Variants in MAPK10 observed in about 807,000 individuals in gnomAD.
The protein encoded by MAPK10 is mitogen-activated protein kinase 10.
In MAPK10, 25 loss-of-function variants were observed where a neutral mutation model predicts 59.3. The ratio of observed to expected loss-of-function variants is 0.42; its 90% CI spans 0.31 to 0.59. The LOEUF is 0.59. Among genes scored for constraint, MAPK10 ranks in the 20% least tolerant of loss-of-function variants. MAPK10 has a pLI of 0.15. For synonymous variants in MAPK10, 190 were observed against 200.5 expected, an observed-to-expected ratio of 0.95 and a Z score of 0.44; for missense variants, 351 against 568.9, an observed-to-expected ratio of 0.62 and a Z score of 3.90.
At chr4:86,414,101 G>C (rs1745551276) in intron 1 of MAPK10, among the ~76,000 whole-genome samples, 1 of 152,090 alleles carries the variant, frequency 6.6e-6, no homozygotes, top group African/African-American at 2.4e-5. Flanking sequence ...TTTTGTTTTG[G>C]TTCAGGTCCC....
chr4:86,448,346 A>G (rs899826989), intron 1 of MAPK10, among the ~76,000 whole-genome samples: 4 of 151,788 alleles, frequency 2.6e-5, no homozygotes, highest in Admixed American at 1.3e-4. Flanking sequence ...TTGTTCCTTG[A>G]TGATGTTTCC....
At position 86,383,160 on chromosome 4, in the gene MAPK10, T is replaced by G. The variant is rs115523750; in HGVS notation, c.-121-28516A>C. Among the ~76,000 whole-genome samples, 389 of 152,314 alleles carry G rather than the reference T, an allele frequency of 2.6e-3. 4 individuals are homozygous for G. Among genetic ancestry groups the G allele is most frequent in the African/African-American group, 9.1e-3 (378 of 41,572 alleles). Reference sequence around the variant, plus strand: ...ATTAGGCTTCCTTCCCATGAAGTCTTGTTCTTTTATTTCCCTTCCCTTTGG... The same window carrying G: ...ATTAGGCTTCCTTCCCATGAAGTCTGGTTCTTTTATTTCCCTTCCCTTTGG... On this transcript the variant is annotated intron_variant, in intron 1 of 13. Coordinates refer to the MAPK10 transcript ENST00000361569.
At chr4:86,205,196 T>C (rs550992138) in intron 2 of MAPK10, among the ~76,000 whole-genome samples, 7 of 152,136 alleles carry the variant, frequency 4.6e-5, no homozygotes, top group Middle Eastern at 3.4e-3. Context: ...GCTAGTATCT[T>C]ATATTAACAA....
intron 2 of MAPK10, among the ~76,000 whole-genome samples, chr4:86,324,125 G>T (rs1454758908): frequency 6.6e-6 from 1 of 152,180 alleles, no homozygotes; most frequent in Non-Finnish European, 1.5e-5. Context: ...AGCTAGTTTA[G>T]GTCGGGCGTA....
At chr4:86,170,614 C>A (rs1471812373) in intron 3 of MAPK10, among the ~76,000 whole-genome samples, 1 of 151,608 alleles carries the variant, frequency 6.6e-6, no homozygotes, top group Non-Finnish European at 1.5e-5. Flanking sequence ...GACTCCCACA[C>A]AATAATAATG....
chr4:86,247,992 A>C (rs1455253872), intron 2 of MAPK10, among the ~76,000 whole-genome samples: 1 of 152,196 alleles, frequency 6.6e-6, no homozygotes, highest in Non-Finnish European at 1.5e-5. Context: ...AAGTAGCTGG[A>C]CACTTTTCTT....
At chr4:86,241,206 C>T (rs1336799909) in intron 2 of MAPK10, among the ~76,000 whole-genome samples, 1 of 152,232 alleles carries the variant, frequency 6.6e-6, no homozygotes, top group Admixed American at 6.5e-5. Flanking sequence ...GAGAGGTCCA[C>T]TGTTAGTCTG....
At chr4:86,121,695 A>G (rs6855234) in intron 4 of MAPK10, among the ~76,000 whole-genome samples, 4,340 of 152,230 alleles carry the variant, frequency 0.029, 212 homozygotes, top group African/African-American at 0.1. Flanking sequence ...TAACATATAT[A>G]TTACCTCTCA....
At position 86,077,102 on chromosome 4, in the gene MAPK10, G is replaced by A. The variant is rs377357810; in HGVS notation, c.803-9147C>T. Among the ~76,000 whole-genome samples the A allele has an allele frequency of 1.9e-3, 294 of 152,210 alleles. 2 individuals are homozygous for A. The South Asian group carries it at 0.032, about 17-fold the overall frequency. On this transcript the variant is annotated intron_variant, in intron 9 of 13. Transcript: ENST00000641462. ...ATTCTAAATTGACTACATAAAAGTA[G>A]AGTTATATTGTAAGAAGTTCAATTT...
chr4:86,212,660 T>C (rs1392725175), intron 2 of MAPK10, among the ~76,000 whole-genome samples: 1 of 152,080 alleles, frequency 6.6e-6, no homozygotes, highest in East Asian at 1.9e-4. Flanking sequence ...AATAAAGCAT[T>C]CAATATAAAA....
intron 4 of MAPK10, chr4:86,117,799 G>A (rs995503652): frequency 1.3e-5 from 2 of 152,230 alleles, no homozygotes; most frequent in Non-Finnish European, 2.9e-5. Context: ...TTAAGAGGAG[G>A]AGTGGAAGCA....
intron 2 of MAPK10, among the ~76,000 whole-genome samples, chr4:86,250,415 A>T (rs1049395369): frequency 1.3e-5 from 2 of 152,170 alleles, no homozygotes; most frequent in African/African-American, 2.4e-5. Context: ...ACAGAAGGCA[A>T]TTCTACATCC....
At chr4:86,145,013 A>G (rs1581227790) in intron 4 of MAPK10, among the ~76,000 whole-genome samples, 1 of 152,288 alleles carries the variant, frequency 6.6e-6, no homozygotes, top group East Asian at 1.9e-4. Context: ...AAAAACAAAA[A>G]AGATATCAAT....
intron 1 of MAPK10, among the ~76,000 whole-genome samples, chr4:86,499,499 C>T (rs182032329): frequency 5.5e-4 from 84 of 152,274 alleles, no homozygotes; most frequent in Non-Finnish European, 9.7e-4. Context: ...GGCAGTGCCT[C>T]CAGGTCACGA....
intron 1 of MAPK10, chr4:86,356,556 A>T (rs1734587274): frequency 8.9e-6 from 5 of 562,040 alleles, no homozygotes; most frequent in Non-Finnish European, 1.1e-5. Context: ...TGCAAAACAC[A>T]GGTTTTGTAT....
intron 2 of MAPK10, among the ~76,000 whole-genome samples, chr4:86,266,496 A>G (rs1387040859): frequency 1.3e-5 from 2 of 152,236 alleles, no homozygotes; most frequent in East Asian, 3.8e-4. Context: ...CATTTGTACA[A>G]ACAGGCTGGG....
At chr4:86,414,154 C>A (rs1338409983) in intron 1 of MAPK10, among the ~76,000 whole-genome samples, 2 of 152,084 alleles carry the variant, frequency 1.3e-5, no homozygotes, top group African/African-American at 4.8e-5. Context: ...TTTTGGTAAT[C>A]ATCCTAACAA....
At chr4:86,379,565 C>T (rs558548630) in intron 1 of MAPK10, among the ~76,000 whole-genome samples, 1 of 152,256 alleles carries the variant, frequency 6.6e-6, no homozygotes, top group East Asian at 1.9e-4. Context: ...AACACCTGGC[C>T]CACCCAGGGA....
chr4:86,468,625 G>A (rs781665296), intron 1 of MAPK10, among the ~76,000 whole-genome samples: 5 of 152,138 alleles, frequency 3.3e-5, no homozygotes, highest in African/African-American at 9.7e-5. Context: ...AGGCCCAGGC[G>A]GGTGGATCAC....
Sources: allele counts gnomAD v4.1 joint callset (sites outside exome capture counted in the v4.1 genomes callset), GRCh38; gene constraint gnomAD v4.1.1; transcripts MANE v1.5; gene names NCBI Gene and HGNC (gene_info 2026-07-23, HGNC 2026-07-21).